The following CRADD variants were observed in gnomAD, a reference collection of about 807,000 sequenced individuals.
The protein encoded by CRADD is CARD and death domain containing adaptor protein, also known as death domain-containing protein CRADD.
Under a neutral mutation model 15.5 loss-of-function variants are expected in CRADD, and 9 were observed. The observed-to-expected ratio is 0.58, with a 90% confidence interval of 0.35 to 1.01. CRADD has a LOEUF of 1.01. Among genes scored for constraint, CRADD ranks in the 50% least tolerant of loss-of-function variants. The pLI is 0.02. For synonymous variants in CRADD, 118 were observed against 107.6 expected (o/e 1.10, Z -0.60); for missense variants, 227 against 250.3 (o/e 0.91, Z 0.63).
At chr12:93,762,545 G>C (rs1435404211) in intron 2 of CRADD, among the ~76,000 whole-genome samples, 2 of 152,204 alleles carry the variant, frequency 1.3e-5, no homozygotes, top group Non-Finnish European at 2.9e-5. Flanking sequence ...GCTGAGGCAA[G>C]TTGGAAGTTG....
intron 2 of CRADD, among the ~76,000 whole-genome samples, chr12:93,892,714 G>A (rs768473085): frequency 2.0e-5 from 3 of 152,104 alleles, no homozygotes; most frequent in Non-Finnish European, 2.9e-5. Flanking sequence ...TGAACATAAT[G>A]AAGCCTTGTT....
chr12:93,732,646 T>G (rs1956486608), intron 2 of CRADD, among the ~76,000 whole-genome samples: 1 of 152,216 alleles, frequency 6.6e-6, no homozygotes, highest in African/African-American at 2.4e-5. Context: ...GAGGGTGCAT[T>G]TTAGAGTCAG....
At chr12:93,873,415 A>G (rs1369998069) in intron 2 of CRADD, among the ~76,000 whole-genome samples, 1 of 151,884 alleles carries the variant, frequency 6.6e-6, no homozygotes, top group Non-Finnish European at 1.5e-5. Flanking sequence ...CTCTTGTCTT[A>G]TTGCTGTAGC....
chr12:93,711,430 T>C (rs1232703467), intron 2 of CRADD, among the ~76,000 whole-genome samples: 1 of 152,124 alleles, frequency 6.6e-6, no homozygotes, highest in East Asian at 1.9e-4. Flanking sequence ...AGTCAGATCA[T>C]GTTATTCTCC....
chr12:93,733,043 A>G (rs1423592816), intron 2 of CRADD, among the ~76,000 whole-genome samples: 1 of 152,222 alleles, frequency 6.6e-6, no homozygotes, highest in East Asian at 1.9e-4. Context: ...TGGAGTCATA[A>G]TGCTGACCTT....
chr12:93,801,114 A>G (rs9788269), intron 2 of CRADD, among the ~76,000 whole-genome samples: 36,201 of 152,158 alleles, frequency 0.24, 4,877 homozygotes, highest in East Asian at 0.54. Context: ...ATCAGGAGGT[A>G]CATAAAGCCT....
Position 93,692,991 on chromosome 12 carries a change from A to G in CRADD, c.298+13919A>G, listed in dbSNP as rs181124946. On this transcript the variant is annotated intron_variant, in intron 2 of 2. Coordinates refer to ENST00000332896, the MANE Select transcript of CRADD (RefSeq NM_003805.5). ...GTGGAGTAAAGTGTAGAATTTTTGT[A>G]TGTGATCAAAATTGAGTTGTTATCA... Among the ~76,000 whole-genome samples, 22 of 152,302 alleles carry G rather than the reference A, an allele frequency of 1.4e-4. No individual in the cohort carries two copies. The East Asian group carries it at 4.0e-3, about 28-fold the overall frequency.
chr12:93,691,293 G>A (rs1445354234), intron 2 of CRADD, among the ~76,000 whole-genome samples: 5 of 147,816 alleles, frequency 3.4e-5, no homozygotes, highest in Non-Finnish European at 5.9e-5. Context: ...TACTCTCGTC[G>A]CCCAGGCTGG....
In CRADD at chr12:93,684,361, C is replaced by T. The variant is rs560948394; in HGVS notation, c.298+5289C>T. ...GATTCTCATAAGGAGTGCGCGACCT[C>T]GATCTCTGGCATGTGCAGTTCACAA... is the stretch of plus-strand genomic sequence containing the variant. On this transcript the variant is annotated intron_variant, in intron 2 of 2. Transcript: ENST00000332896. 2.0e-4 allele frequency among the ~76,000 whole-genome samples: 31 copies of T among 152,254 alleles called. 1 individual carries two copies. In the South Asian group the frequency reaches 2.9e-3, roughly 14 times the overall value.
chr12:93,843,592 C>CTGG (rs1958076143), intron 2 of CRADD, among the ~76,000 whole-genome samples: 1 of 151,972 alleles, frequency 6.6e-6, no homozygotes, highest in Non-Finnish European at 1.5e-5. Context: ...GTATGCCAGG[C>CTGG]TGGTCTCGAA....
chr12:93,719,956 C>T (rs1565886670), intron 2 of CRADD, among the ~76,000 whole-genome samples: 1 of 151,654 alleles, frequency 6.6e-6, no homozygotes, highest in Non-Finnish European at 1.5e-5. Context: ...AATTTTTATA[C>T]TTTTTTTTGC....
intron 2 of CRADD, among the ~76,000 whole-genome samples, chr12:93,887,287 T>G (rs1958544234): frequency 6.6e-6 from 1 of 152,238 alleles, no homozygotes; most frequent in African/African-American, 2.4e-5. Context: ...CAGCTTCTGC[T>G]GCCTCTTGAC....
In CRADD at chr12:93,806,757, A is replaced by T. The variant is rs531021138; in HGVS notation, c.299-43213A>T. 2.3e-3 allele frequency among the ~76,000 whole-genome samples: 349 copies of T among 152,270 alleles called. 1 individual carries two copies. Among genetic ancestry groups the T allele is most frequent in the Non-Finnish European group, 3.8e-3 (260 of 68,038 alleles). On this transcript the variant is annotated intron_variant, in intron 2 of 2. Coordinates refer to ENST00000332896, the MANE Select transcript of CRADD (RefSeq NM_003805.5). ...TAAAGATTGATGGTGTGTGGAATAA[A>T]TATTTTGTGACATGATTTGATGAAC... is the stretch of plus-strand genomic sequence containing the variant.
At chr12:93,727,119 G>A (rs987343630) in intron 2 of CRADD, among the ~76,000 whole-genome samples, 10 of 152,140 alleles carry the variant, frequency 6.6e-5, no homozygotes, top group Non-Finnish European at 1.2e-4. Context: ...TGAAAAGATC[G>A]CCCTGATTGA....
At position 93,750,841 on chromosome 12, in the gene CRADD, G is replaced by A. The variant is rs146557350; in HGVS notation, c.298+71769G>A. ...CATGTAACTTTTAAATGGACACATC[G>A]CAGATGTCACAATAAGGGAAATTAT... On this transcript the variant is annotated intron_variant, in intron 2 of 2. Transcript: ENST00000332896. Among the ~76,000 whole-genome samples the A allele has an allele frequency of 1.4e-3, 219 of 152,188 alleles. 4 individuals carry two copies. Among genetic ancestry groups the A allele is most frequent in the African/African-American group, 4.9e-3 (205 of 41,528 alleles).
chr12:93,804,870 G>A (rs1312516163), intron 2 of CRADD, among the ~76,000 whole-genome samples: 1 of 152,110 alleles, frequency 6.6e-6, no homozygotes, highest in Non-Finnish European at 1.5e-5. Context: ...CTCAGTGTCT[G>A]ACCTTGCATT....
rs57845606 is a variant in CRADD at position 93,696,441 on chromosome 12, G to T, written c.298+17369G>T. On this transcript the variant is annotated intron_variant, in intron 2 of 2. Coordinates refer to ENST00000332896, the MANE Select transcript of CRADD (RefSeq NM_003805.5). ...TACCGTCATTTGTGACAACATGGAT[G>T]AACCTAGGTGATATTATGCAAAGTG... Among the ~76,000 whole-genome samples, 429 of 152,294 alleles carry T rather than the reference G, an allele frequency of 2.8e-3. 6 individuals carry two copies. The highest frequency in any genetic ancestry group is 9.8e-3 in the African/African-American group (407 of 41,554).
At chr12:93,748,101 G>A (rs1956783685) in intron 2 of CRADD, among the ~76,000 whole-genome samples, 1 of 152,156 alleles carries the variant, frequency 6.6e-6, no homozygotes, top group South Asian at 2.1e-4. Flanking sequence ...ATCCCAGAAT[G>A]GTAGAGAAGA....
chr12:93,727,281 T>C (rs565905484), intron 2 of CRADD, among the ~76,000 whole-genome samples: 1 of 152,302 alleles, frequency 6.6e-6, no homozygotes, highest in South Asian at 2.1e-4. Context: ...GCCTTCTTCC[T>C]CCATGCCTGG....
Sources: allele counts gnomAD v4.1 joint callset (sites outside exome capture counted in the v4.1 genomes callset), GRCh38; gene constraint gnomAD v4.1.1; transcripts MANE v1.5; gene names NCBI Gene and HGNC (gene_info 2026-07-23, HGNC 2026-07-21).